SH3RF1: variants seen among roughly 807,000 people sequenced by gnomAD.
The protein encoded by SH3RF1 is E3 ubiquitin-protein ligase SH3RF1.
SH3RF1 carries 32 observed loss-of-function variants against 74.0 expected under a neutral mutation model. The observed-to-expected ratio is 0.43, with a 90% confidence interval of 0.33 to 0.58. The LOEUF is 0.58. SH3RF1 is among the 20% of genes least tolerant of loss of function. SH3RF1 has a pLI of 0.05. For synonymous variants in SH3RF1, 396 were observed against 439.6 expected, an observed-to-expected ratio of 0.90 and a Z score of 1.24; for missense variants, 954 against 1,130.9, an observed-to-expected ratio of 0.84 and a Z score of 2.24.
chr4:169,179,078 G>A (rs1268664001), intron 2 of SH3RF1, among the ~76,000 whole-genome samples: 1 of 152,092 alleles, frequency 6.6e-6, no homozygotes, highest in Admixed American at 6.5e-5. Context: ...ATGGCAAAAG[G>A]GATTTTACAG....
chr4:169,211,080 A>G (rs966407602), intron 2 of SH3RF1, among the ~76,000 whole-genome samples: 2 of 152,216 alleles, frequency 1.3e-5, no homozygotes, highest in African/African-American at 2.4e-5. Context: ...GCAAATAAGG[A>G]CAAAAGACAA....
chr4:169,184,857 C>G (rs971816465), intron 2 of SH3RF1, among the ~76,000 whole-genome samples: 1 of 152,200 alleles, frequency 6.6e-6, no homozygotes, highest in Non-Finnish European at 1.5e-5. Flanking sequence ...AGAAAACAGA[C>G]AGCAGTGGGC....
rs1046243384 is a variant in SH3RF1 at position 169,269,327 on chromosome 4, G to A, written c.-95-20C>T. ...TTTGCTCTAGAGTCATGGGGAAAAG[G>A]GGGAAAAGAGAACATGAGTGTTGTT... On this transcript the variant is annotated intron_variant, in intron 1 of 11. Coordinates refer to ENST00000284637, the MANE Select transcript of SH3RF1 (RefSeq NM_020870.4). 14 of 1,134,820 alleles carry A rather than the reference G, an allele frequency of 1.2e-5. No individual in the cohort carries two copies. The highest frequency in any genetic ancestry group is 1.7e-5 in the Non-Finnish European group (14 of 826,866). The allele number at this position is 1,134,820 out of a possible 1,614,324, so 70.3% of individuals were successfully genotyped here.
chr4:169,145,843 T>A (rs1733870890), intron 4 of SH3RF1, among the ~76,000 whole-genome samples: 1 of 130,934 alleles, frequency 7.6e-6, no homozygotes, highest in Admixed American at 7.6e-5. Context: ...ATATGTATTC[T>A]ATATATTATT....
At chr4:169,148,479 G>A (rs371907236) in intron 4 of SH3RF1, among the ~76,000 whole-genome samples, 1 of 152,064 alleles carries the variant, frequency 6.6e-6, no homozygotes, top group South Asian at 2.1e-4. Context: ...AGAATGGAAG[G>A]ATATTTACCA....
chr4:169,241,549 A>G (rs1355147508), intron 2 of SH3RF1, among the ~76,000 whole-genome samples: 1 of 128,116 alleles, frequency 7.8e-6, no homozygotes, highest in Non-Finnish European at 1.7e-5. Flanking sequence ...GGCGCAGTCC[A>G]TAGCTAACAT....
At chr4:169,211,931 T>A (rs1426080031) in intron 2 of SH3RF1, among the ~76,000 whole-genome samples, 1 of 152,152 alleles carries the variant, frequency 6.6e-6, no homozygotes, top group Non-Finnish European at 1.5e-5. Flanking sequence ...CACTGTTACA[T>A]GTTTTTTCCC....
intron 2 of SH3RF1, among the ~76,000 whole-genome samples, chr4:169,180,438 G>A (rs1475045563): frequency 3.3e-5 from 5 of 152,100 alleles, no homozygotes; most frequent in African/African-American, 9.7e-5. Context: ...TGCCACAACC[G>A]GAGGAATTTT....
chr4:169,174,861 C>T (rs1482425926), intron 2 of SH3RF1, among the ~76,000 whole-genome samples: 3 of 152,168 alleles, frequency 2.0e-5, no homozygotes, highest in African/African-American at 4.8e-5. Flanking sequence ...TGTGGATCTA[C>T]ACAACGATGT....
intron 2 of SH3RF1, among the ~76,000 whole-genome samples, chr4:169,239,238 T>C (rs1278114313): frequency 6.6e-6 from 1 of 152,160 alleles, no homozygotes; most frequent in Non-Finnish European, 1.5e-5. Flanking sequence ...TAAATCTACC[T>C]ACTTTGTAAA....
At chr4:169,172,342 T>C (rs937502473) in intron 2 of SH3RF1, among the ~76,000 whole-genome samples, 4 of 152,246 alleles carry the variant, frequency 2.6e-5, no homozygotes, top group African/African-American at 9.6e-5. Context: ...CTCCTTATTT[T>C]AAGAATATGC....
At chr4:169,141,188 T>C (rs1733779559) in intron 4 of SH3RF1, among the ~76,000 whole-genome samples, 1 of 152,190 alleles carries the variant, frequency 6.6e-6, no homozygotes, top group Admixed American at 6.5e-5. Context: ...CAGATGGATT[T>C]CCATTTAACA....
intron 2 of SH3RF1, among the ~76,000 whole-genome samples, chr4:169,227,854 G>A (rs1022779622): frequency 5.9e-5 from 9 of 152,258 alleles, no homozygotes; most frequent in Admixed American, 2.0e-4. Flanking sequence ...CCCTGGACAC[G>A]AGAACAGAGT....
chr4:169,210,946 G>T (rs1730350875), intron 2 of SH3RF1, among the ~76,000 whole-genome samples: 2 of 152,150 alleles, frequency 1.3e-5, no homozygotes, highest in African/African-American at 4.8e-5. Context: ...AATTTAGCTT[G>T]TCTAAGGTTT....
Position 169,110,878 on chromosome 4 carries a change from A to G in SH3RF1, c.2140-3673T>C, listed in dbSNP as rs935965712. Among the ~76,000 whole-genome samples, 16 of 152,322 alleles carry G rather than the reference A, an allele frequency of 1.1e-4. No homozygotes were observed. In the South Asian group the frequency reaches 3.1e-3, roughly 30 times the overall value. On this transcript the variant is annotated intron_variant, in intron 10 of 11. Transcript: ENST00000284637. The stretch of plus-strand genomic sequence containing the variant: ...GGCGAGACTTACAAAGCACCTCTAG[A>G]GATTCTGAAGTTATGCGTAGAAAAT...
At chr4:169,097,144 C>T (rs1732945032) in intron 11 of SH3RF1, among the ~76,000 whole-genome samples, 1 of 152,164 alleles carries the variant, frequency 6.6e-6, no homozygotes, top group Admixed American at 6.5e-5. Context: ...TAAGGAGGCT[C>T]TGCTCCACCT....
At chr4:169,101,710 G>T (rs865905395) in intron 11 of SH3RF1, among the ~76,000 whole-genome samples, 9 of 142,848 alleles carry the variant, frequency 6.3e-5, no homozygotes, top group African/African-American at 1.8e-4. Context: ...AATGTATAAA[G>T]CTGACTGGCA....
In SH3RF1 at chr4:169,103,967, C is replaced by A. The variant is rs80039690; in HGVS notation, c.2498+2880G>T. Among the ~76,000 whole-genome samples the A allele has an allele frequency of 5.9e-3, 905 of 152,330 alleles. 19 individuals are homozygous for A. The highest frequency in any genetic ancestry group is 0.053 in the East Asian group (276 of 5,180). ...TCATTACATTCTCCATGTTCCCTAT[C>A]TGATGTGCATCCCCCGCTCCCTGAA... On this transcript the variant is annotated intron_variant, in intron 11 of 11. Coordinates refer to ENST00000284637, the MANE Select transcript of SH3RF1 (RefSeq NM_020870.4).
chr4:169,192,941 ATAC>A (rs1433193442), intron 2 of SH3RF1, among the ~76,000 whole-genome samples: 6 of 149,304 alleles, frequency 4.0e-5, no homozygotes, highest in African/African-American at 1.5e-4. Flanking sequence ...ATATGATGGA[ATAC>A]TACTCAGCCA....
Sources: gnomAD v4.1 joint callset for allele counts (sites outside exome capture counted in the v4.1 genomes callset) on GRCh38, gnomAD v4.1.1 for gene constraint, MANE v1.5 for transcripts, NCBI Gene and HGNC (gene_info 2026-07-23, HGNC 2026-07-21) for gene names.